Variants in FSTL5 observed in about 807,000 individuals in gnomAD.
The protein encoded by FSTL5 is follistatin like 5, also known as follistatin-related protein 5.
FSTL5 carries 62 observed loss-of-function variants against 89.1 expected under a neutral mutation model. The observed-to-expected ratio is 0.70, with a 90% CI of 0.57 to 0.86. The LOEUF is 0.86. Ranked by LOEUF, FSTL5 falls within the 40% of genes least tolerant of loss-of-function variation. FSTL5 has a pLI of 0.00. For synonymous variants in FSTL5, 383 were observed against 346.2 expected, an observed-to-expected ratio of 1.11 and a Z score of -1.18; for missense variants, 1,057 against 1,001.6, an observed-to-expected ratio of 1.06 and a Z score of -0.75.
chr4:161,636,089 G>C, intron 7 of FSTL5, among the ~76,000 whole-genome samples: 1 of 129,086 alleles, frequency 7.7e-6, no homozygotes, highest in East Asian at 2.1e-4. Context: ...GTAATTGACA[G>C]CAAAAAAAAA....
intron 9 of FSTL5, among the ~76,000 whole-genome samples, chr4:161,539,882 G>A (rs1161604092): frequency 1.4e-5 from 2 of 144,002 alleles, no homozygotes; most frequent in South Asian, 2.2e-4. Flanking sequence ...TATAAGATAC[G>A]GCCTCCTCCA....
At chr4:161,471,677 A>T (rs115395684) in intron 13 of FSTL5, among the ~76,000 whole-genome samples, 1 of 152,088 alleles carries the variant, frequency 6.6e-6, no homozygotes, top group Non-Finnish European at 1.5e-5. Flanking sequence ...ACATCATCAG[A>T]TTTACTGCTT....
Position 161,910,467 on chromosome 4 carries a change from A to T in FSTL5, c.409+9937T>A, listed in dbSNP as rs150095026. Reference sequence around the variant, plus strand: ...TTTGCTTGTCTAAAAAGCCAATCTTAAATCACTATATACCTGTATATATAC... The same window carrying T: ...TTTGCTTGTCTAAAAAGCCAATCTTTAATCACTATATACCTGTATATATAC... On this transcript the variant is annotated intron_variant, in intron 4 of 15. Coordinates refer to ENST00000306100, the MANE Select transcript of FSTL5 (RefSeq NM_020116.5). 6.2e-3 allele frequency among the ~76,000 whole-genome samples: 945 copies of T among 152,248 alleles called. 15 individuals are homozygous for T. Among genetic ancestry groups the T allele is most frequent in the African/African-American group, 0.022 (909 of 41,562 alleles).
At chr4:161,839,862 A>C (rs1191244168) in intron 4 of FSTL5, among the ~76,000 whole-genome samples, 3 of 152,210 alleles carry the variant, frequency 2.0e-5, no homozygotes, top group Admixed American at 1.3e-4. Flanking sequence ...ATTGTTATTT[A>C]AGTTCATATA....
intron 4 of FSTL5, among the ~76,000 whole-genome samples, chr4:161,806,292 A>G (rs1157869522): frequency 1.3e-5 from 2 of 152,128 alleles, no homozygotes; most frequent in African/African-American, 4.8e-5. Context: ...ACCTGGATAA[A>G]CACCCTTCCC....
At chr4:161,732,300 T>G (rs189041604) in intron 6 of FSTL5, among the ~76,000 whole-genome samples, 2 of 152,230 alleles carry the variant, frequency 1.3e-5, no homozygotes, top group Admixed American at 1.3e-4. Flanking sequence ...AATAGCTTAT[T>G]TATAAAAATT....
chr4:162,033,077 T>C (rs1369322541), intron 3 of FSTL5, among the ~76,000 whole-genome samples: 1 of 152,174 alleles, frequency 6.6e-6, no homozygotes, highest in Admixed American at 6.6e-5. Context: ...ACAATCTACA[T>C]AGAGTAATTT....
At chr4:162,054,828 A>C (rs1560994352) in intron 2 of FSTL5, among the ~76,000 whole-genome samples, 2 of 151,866 alleles carry the variant, frequency 1.3e-5, no homozygotes, top group African/African-American at 4.8e-5. Context: ...CCTGTATCCC[A>C]GTTCCTCTGG....
chr4:162,085,628 A>C (rs1448571357), intron 2 of FSTL5, among the ~76,000 whole-genome samples: 2 of 152,144 alleles, frequency 1.3e-5, no homozygotes, highest in African/African-American at 4.8e-5. Flanking sequence ...CAGGTGTTAC[A>C]TCACCAGTTT....
intron 1 of FSTL5, among the ~76,000 whole-genome samples, chr4:162,137,759 T>C (rs1162414585): frequency 6.6e-6 from 1 of 152,174 alleles, no homozygotes; most frequent in Non-Finnish European, 1.5e-5. Context: ...AAAAAACGCT[T>C]TTGTTTTCCA....
At chr4:161,779,726 A>G (rs1314137024) in intron 4 of FSTL5, among the ~76,000 whole-genome samples, 1 of 135,520 alleles carries the variant, frequency 7.4e-6, no homozygotes, top group African/African-American at 2.7e-5. Context: ...TATTTCATGA[A>G]TTCTGTAATT....
chr4:161,630,498 A>G lies in FSTL5; in HGVS notation c.894+25830T>C, dbSNP rs79679602. Reference sequence around the variant, plus strand: ...AACTTTCTCATCATAAGTATAGCCAATGATATATGTGGATTTCCTAAGATA... The same window carrying G: ...AACTTTCTCATCATAAGTATAGCCAGTGATATATGTGGATTTCCTAAGATA... On this transcript the variant is annotated intron_variant, in intron 7 of 15. Coordinates refer to ENST00000306100, the MANE Select transcript of FSTL5 (RefSeq NM_020116.5). 7.9e-3 allele frequency among the ~76,000 whole-genome samples: 1,204 copies of G among 152,306 alleles called. 17 individuals are homozygous for G. Among genetic ancestry groups the G allele is most frequent in the African/African-American group, 0.028 (1,159 of 41,566 alleles).
chr4:161,868,486 C>T (rs1348377079), intron 4 of FSTL5, among the ~76,000 whole-genome samples: 1 of 152,076 alleles, frequency 6.6e-6, no homozygotes, highest in African/African-American at 2.4e-5. Context: ...GCCCGAACGA[C>T]CTCATCTCTC....
At chr4:161,420,903 G>C (rs12508789) in intron 15 of FSTL5, among the ~76,000 whole-genome samples, 14,958 of 150,842 alleles carry the variant, frequency 0.099, 960 homozygotes, top group South Asian at 0.2. Flanking sequence ...AAATAAATAT[G>C]TATATATGGT....
intron 8 of FSTL5, among the ~76,000 whole-genome samples, chr4:161,564,979 A>T (rs1578929093): frequency 6.6e-6 from 1 of 151,962 alleles, no homozygotes; most frequent in South Asian, 2.1e-4. Flanking sequence ...AAACTATATG[A>T]TGCACAAAAT....
chr4:161,885,008 C>G (rs1198582455), intron 4 of FSTL5, among the ~76,000 whole-genome samples: 2 of 151,958 alleles, frequency 1.3e-5, no homozygotes, highest in East Asian at 3.9e-4. Context: ...GGGTTTAAAT[C>G]ACCATTAGGG....
chr4:161,496,228 T>A (rs1188959491), intron 12 of FSTL5, among the ~76,000 whole-genome samples: 1 of 152,148 alleles, frequency 6.6e-6, no homozygotes, highest in Non-Finnish European at 1.5e-5. Flanking sequence ...TAAGACATTG[T>A]ACCGAGCATG....
At chr4:161,397,651 A>T (rs1731052726) in intron 15 of FSTL5, among the ~76,000 whole-genome samples, 1 of 108,976 alleles carries the variant, frequency 9.2e-6, no homozygotes, top group Admixed American at 9.5e-5. Flanking sequence ...ATACATATTG[A>T]AGAAGAGACT....
At chr4:161,952,245 CT>C (rs895914933) in intron 3 of FSTL5, among the ~76,000 whole-genome samples, 1 of 151,946 alleles carries the variant, frequency 6.6e-6, no homozygotes, top group African/African-American at 2.4e-5. Context: ...ACTTTTGACA[CT>C]TGTCAGCCAC....
Sources: allele counts gnomAD v4.1 joint callset (sites outside exome capture counted in the v4.1 genomes callset), GRCh38; gene constraint gnomAD v4.1.1; transcripts MANE v1.5; gene names NCBI Gene and HGNC (gene_info 2026-07-23, HGNC 2026-07-21).